Variants in NBEA observed in about 807,000 individuals in gnomAD.
NBEA encodes neurobeachin.
Under a neutral mutation model 343.4 loss-of-function variants are expected in NBEA, and 44 were observed. The observed-to-expected ratio is 0.13, with a 90% CI of 0.10 to 0.16. The LOEUF is 0.16. Among genes scored for constraint, NBEA ranks in the 10% least tolerant of loss-of-function variants. The pLI, the probability that NBEA is intolerant of heterozygous loss-of-function variation, is 1.00. For missense variants in NBEA, 2,555 were observed against 3,631.3 expected (o/e 0.70, Z 7.62); for synonymous variants, 1,175 against 1,238.7 (o/e 0.95, Z 1.08).
chr13:35,641,025 A>C (rs117207047), intron 49 of NBEA, among the ~76,000 whole-genome samples: 7 of 152,174 alleles, frequency 4.6e-5, no homozygotes, highest in Non-Finnish European at 1.0e-4. Flanking sequence ...TATAACAATT[A>C]AAATTTAACA....
chr13:35,645,296 A>G (rs1393693052), intron 49 of NBEA, among the ~76,000 whole-genome samples: 1 of 152,218 alleles, frequency 6.6e-6, no homozygotes, highest in African/African-American at 2.4e-5. Flanking sequence ...AGTAATGATC[A>G]TAGTAAATAT....
chr13:35,032,949 T>A (rs2062293348), intron 1 of NBEA, among the ~76,000 whole-genome samples: 1 of 151,976 alleles, frequency 6.6e-6, no homozygotes, highest in Non-Finnish European at 1.5e-5. Flanking sequence ...TCCCATTCTC[T>A]GGATTGTCTC....
At chr13:35,068,219 C>T (rs780788991) in intron 8 of NBEA, among the ~76,000 whole-genome samples, 3 of 152,020 alleles carry the variant, frequency 2.0e-5, no homozygotes, top group East Asian at 1.9e-4. Flanking sequence ...ACCAAAATAG[C>T]GTATGGTATG....
At chr13:35,000,890 T>C (rs932135389) in intron 1 of NBEA, among the ~76,000 whole-genome samples, 3 of 152,124 alleles carry the variant, frequency 2.0e-5, no homozygotes, top group African/African-American at 4.8e-5. Context: ...TGTTTTTTAG[T>C]GTAATTTTGA....
intron 55 of NBEA, among the ~76,000 whole-genome samples, chr13:35,664,305 A>G (rs1051703372): frequency 6.6e-5 from 10 of 152,206 alleles, no homozygotes; most frequent in African/African-American, 2.2e-4. Flanking sequence ...ACCAAAGTAC[A>G]GAGTGGTTCT....
intron 33 of NBEA, among the ~76,000 whole-genome samples, chr13:35,214,370 G>C (rs1007726180): frequency 2.6e-5 from 4 of 151,822 alleles, no homozygotes; most frequent in African/African-American, 9.7e-5. Flanking sequence ...TCAGCAATGT[G>C]TAGTTCTATT....
At chr13:35,290,569 C>T in intron 35 of NBEA, 119 bp downstream of exon 35, 1 of 620,972 alleles carries the variant, frequency 1.6e-6, no homozygotes. Flanking sequence ...CATCTATTAT[C>T]CCATAGATGG....
chr13:35,538,521 T>C (rs2078663774), intron 41 of NBEA, among the ~76,000 whole-genome samples: 1 of 152,148 alleles, frequency 6.6e-6, no homozygotes, highest in South Asian at 2.1e-4. Flanking sequence ...GTAAAAACAA[T>C]GTGTTCAGTG....
chr13:35,327,740 G>C (rs973921088), intron 36 of NBEA, among the ~76,000 whole-genome samples: 7 of 151,664 alleles, frequency 4.6e-5, no homozygotes, highest in Non-Finnish European at 1.5e-5. Context: ...AATATACCCA[G>C]GTAACGATCC....
At chr13:35,445,178 C>A (rs1175150155) in intron 39 of NBEA, among the ~76,000 whole-genome samples, 1 of 152,106 alleles carries the variant, frequency 6.6e-6, no homozygotes, top group Non-Finnish European at 1.5e-5. Flanking sequence ...GTTTTTTAAT[C>A]CTCAGATAAG....
intron 43 of NBEA, among the ~76,000 whole-genome samples, chr13:35,552,595 C>T: frequency 6.6e-6 from 1 of 152,118 alleles, no homozygotes; most frequent in East Asian, 1.9e-4. Context: ...TTTGTTTAAT[C>T]ATCAATTCAA....
At chr13:35,136,275 A>G (rs1221902372) in intron 17 of NBEA, among the ~76,000 whole-genome samples, 1 of 152,202 alleles carries the variant, frequency 6.6e-6, no homozygotes, top group Non-Finnish European at 1.5e-5. Flanking sequence ...TTAGAGTGAT[A>G]GGAATTGATT....
At chr13:35,427,057 A>C (rs2044728333) in intron 38 of NBEA, among the ~76,000 whole-genome samples, 1 of 151,892 alleles carries the variant, frequency 6.6e-6, no homozygotes, top group African/African-American at 2.4e-5. Context: ...AAAGTCTTTA[A>C]CTTCTTTGCT....
chr13:35,567,027 A>C lies in NBEA; in HGVS notation c.7035+10A>C. 6.9e-7 allele frequency: 1 copy of C among 1,448,232 alleles called. No homozygotes were observed. Among genetic ancestry groups the C allele is most frequent in the Middle Eastern group, 1.8e-4 (1 of 5,702 alleles). 89.7% of individuals were successfully genotyped at this position (1,448,232 alleles called of 1,614,324 possible). ...CAGGGATCTATCAAAGGTAACTTTT[A>C]AATATATAGAAGTCAGCTTTCTTCA... On this transcript the variant is annotated intron_variant, in intron 45 of 58. Transcript: ENST00000379939.
chr13:35,173,580 A>G lies in NBEA; in HGVS notation c.4540A>G (p.Thr1514Ala). 6.3e-7 allele frequency: 1 copy of G among 1,599,806 alleles called. No homozygotes were observed. The highest frequency in any genetic ancestry group is 1.1e-5 in the South Asian group (1 of 87,486). The change falls in exon 27 of 59, where the codon ACA becomes GCA. Residue 1514 changes from threonine to alanine, a missense_variant. Physicochemically the swap from Thr to Ala is moderately conservative, Grantham distance 58. Transcript: ENST00000379939. ...GGAAGTTCCTCAAAGTGTGACTGCT[A>G]CAGCAGCTTCGAAGGTAAGTAAACT... is the stretch of plus-strand genomic sequence containing the variant. ...PQEVPQSVTATAASKTPLENV... is the reference protein window; with the variant it reads ...PQEVPQSVTAAAASKTPLENV...
At chr13:35,567,741 A>T (rs1306077293) in intron 45 of NBEA, among the ~76,000 whole-genome samples, 1 of 152,184 alleles carries the variant, frequency 6.6e-6, no homozygotes, top group Non-Finnish European at 1.5e-5. Flanking sequence ...TGATTGTCTG[A>T]TTTAGCAATC....
At chr13:34,991,821 G>T (rs1002852108) in intron 1 of NBEA, among the ~76,000 whole-genome samples, 1 of 151,988 alleles carries the variant, frequency 6.6e-6, no homozygotes, top group African/African-American at 2.4e-5. Context: ...CCTTATAAAA[G>T]CACTTTTAAA....
chr13:34,943,034 A>G lies in NBEA; in HGVS notation c.214A>G (p.Met72Val). 1 of 1,613,054 alleles carries G rather than the reference A, an allele frequency of 6.2e-7. No individual in the cohort carries two copies. Among genetic ancestry groups the G allele is most frequent in the Non-Finnish European group, 8.5e-7 (1 of 1,179,534 alleles). Residue 72 changes from methionine (M) to valine (V), a missense_variant, in exon 1 of 59, where the codon ATG (methionine) becomes GTG (valine). Physicochemically the swap from Met to Val is conservative, Grantham distance 21 (BLOSUM62 1). Coordinates refer to ENST00000379939, the MANE Select transcript of NBEA (RefSeq NM_001385012.1). ...NPSVPIRNIR[M>V]KFAVLIGLIQ... Reference sequence around the variant, plus strand: ...TTCGGTGCCGATCCGCAACATCCGGATGAAATTCGCAGTGTTGATTGGACT... The same window carrying G: ...TTCGGTGCCGATCCGCAACATCCGGGTGAAATTCGCAGTGTTGATTGGACT...
intron 35 of NBEA, among the ~76,000 whole-genome samples, chr13:35,294,591 C>T (rs2035998739): frequency 6.6e-6 from 1 of 152,046 alleles, no homozygotes; most frequent in African/African-American, 2.4e-5. Flanking sequence ...TTAGTGACTA[C>T]ATTTTTTAAA....
Sources: gnomAD v4.1 joint callset for allele counts (sites outside exome capture counted in the v4.1 genomes callset) on GRCh38, gnomAD v4.1.1 for gene constraint, MANE v1.5 for transcripts, NCBI Gene and HGNC (gene_info 2026-07-23, HGNC 2026-07-21) for gene names.